Variants in PPM1H observed in about 807,000 individuals in gnomAD.
The protein encoded by PPM1H is protein phosphatase 1H.
A neutral mutation model predicts 54.9 loss-of-function variants in PPM1H; 27 were observed. That is an observed-to-expected ratio of 0.49 (90% CI 0.36 to 0.68). The LOEUF is 0.68. PPM1H is among the 30% of genes least tolerant of loss of function. PPM1H has a pLI of 0.00. For synonymous variants in PPM1H, 305 were observed against 270.8 expected, an observed-to-expected ratio of 1.13 and a Z score of -1.24; for missense variants, 596 against 667.8, an observed-to-expected ratio of 0.89 and a Z score of 1.19.
intron 1 of PPM1H, among the ~76,000 whole-genome samples, chr12:62,886,249 G>A (rs375094449): frequency 7.6e-4 from 115 of 152,252 alleles, no homozygotes; most frequent in Non-Finnish European, 1.3e-3. Context: ...TCAGACACAT[G>A]TGCACACACA....
In PPM1H at chr12:62,648,397, T is replaced by C; in HGVS notation, c.*92A>G. ...TTGGGCTGGGAAGAGACTGCATCAC[T>C]TGGAACTCAGCTGGGGCACTTCCCA... On this transcript the variant is annotated 3_prime_UTR_variant, in exon 10 of 10. Coordinates refer to ENST00000228705, the MANE Select transcript of PPM1H (RefSeq NM_020700.2). 1.3e-6 allele frequency: 2 copies of C among 1,493,614 alleles called. No homozygotes were observed. Among genetic ancestry groups the C allele is most frequent in the Non-Finnish European group, 1.8e-6 (2 of 1,091,354 alleles). 92.5% of individuals were successfully genotyped at this position (1,493,614 alleles called of 1,614,324 possible). A position where few individuals can be genotyped will look rare whatever the true frequency, so the allele number is the denominator to read the frequency against.
intron 3 of PPM1H, 48 bp from the exon 4 acceptor site, chr12:62,788,386 A>C: frequency 8.3e-7 from 1 of 1,198,436 alleles, no homozygotes; most frequent in East Asian, 2.6e-5. Flanking sequence ...GATGTGTAGC[A>C]AAAGCTTTCT....
chr12:62,878,972 A>C lies in PPM1H; in HGVS notation c.246-46693T>G, dbSNP rs557372040. 2.4e-4 allele frequency among the ~76,000 whole-genome samples: 37 copies of C among 152,314 alleles called. No individual in the cohort carries two copies. The South Asian group carries it at 6.6e-3, about 27-fold the overall frequency. On this transcript the variant is annotated intron_variant, in intron 1 of 9. Transcript: ENST00000228705. Reference sequence around the variant, plus strand: ...GAAAAAAAAAGAAAACTACTGATTGAAGGTATCTGTGAGATAAAAATATTT... The same window carrying C: ...GAAAAAAAAAGAAAACTACTGATTGCAGGTATCTGTGAGATAAAAATATTT...
At chr12:62,684,003 C>T (rs995125305) in intron 8 of PPM1H, among the ~76,000 whole-genome samples, 3 of 152,148 alleles carry the variant, frequency 2.0e-5, no homozygotes, top group African/African-American at 7.2e-5. Flanking sequence ...TGAGGAGAGC[C>T]TGGGCTCCAG....
chr12:62,831,790 TAC>T (rs80273207), intron 2 of PPM1H, among the ~76,000 whole-genome samples: 8,502 of 148,006 alleles, frequency 0.057, 274 homozygotes, highest in African/African-American at 0.09. Context: ...TATATACGTA[TAC>T]ACACACACAC....
chr12:62,663,729 T>C (rs1055791654), intron 9 of PPM1H, among the ~76,000 whole-genome samples: 1 of 152,340 alleles, frequency 6.6e-6, no homozygotes, highest in African/African-American at 2.4e-5. Flanking sequence ...CAGTGGCTCA[T>C]GCCTGTAATC....
intron 6 of PPM1H, among the ~76,000 whole-genome samples, chr12:62,713,843 C>A (rs981168325): frequency 6.6e-6 from 1 of 152,044 alleles, no homozygotes; most frequent in African/African-American, 2.4e-5. Flanking sequence ...GTGTCACACA[C>A]CTGTAGTACC....
intron 5 of PPM1H, among the ~76,000 whole-genome samples, chr12:62,735,170 T>C (rs2120517988): frequency 6.6e-6 from 1 of 152,268 alleles, no homozygotes; most frequent in East Asian, 1.9e-4. Context: ...TGTTTGGTAA[T>C]GATCTAGAAG....
intron 4 of PPM1H, among the ~76,000 whole-genome samples, chr12:62,776,170 A>G (rs7311502): frequency 0.2 from 30,505 of 152,102 alleles, 4,093 homozygotes; most frequent in African/African-American, 0.38. Context: ...TATAGGAACT[A>G]CAATTCAAGA....
intron 1 of PPM1H, among the ~76,000 whole-genome samples, chr12:62,868,577 C>A (rs928943222): frequency 1.3e-5 from 2 of 152,190 alleles, no homozygotes; most frequent in South Asian, 2.1e-4. Context: ...GCAACTAATT[C>A]TCAGCAGGAA....
At chr12:62,902,315 T>C (rs979686096) in intron 1 of PPM1H, among the ~76,000 whole-genome samples, 1 of 151,654 alleles carries the variant, frequency 6.6e-6, no homozygotes, top group Non-Finnish European at 1.5e-5. Flanking sequence ...GATCGCACCA[T>C]TGCACTGCAG....
chr12:62,764,938 C>A (rs2076532464), intron 4 of PPM1H, among the ~76,000 whole-genome samples: 1 of 152,214 alleles, frequency 6.6e-6, no homozygotes, highest in South Asian at 2.1e-4. Context: ...GCCATGCGTG[C>A]CGCTTAGTTA....
At chr12:62,917,986 T>C (rs1592670357) in intron 1 of PPM1H, among the ~76,000 whole-genome samples, 1 of 152,146 alleles carries the variant, frequency 6.6e-6, no homozygotes, top group Non-Finnish European at 1.5e-5. Flanking sequence ...ACAAGGCAGA[T>C]GAAAAAATGT....
At chr12:62,792,379 G>A (rs1278772074) in intron 3 of PPM1H, among the ~76,000 whole-genome samples, 1 of 152,042 alleles carries the variant, frequency 6.6e-6, no homozygotes. Flanking sequence ...CATTCCCTCT[G>A]TAGCTCCCCC....
intron 1 of PPM1H, among the ~76,000 whole-genome samples, chr12:62,931,553 G>T (rs986827521): frequency 6.6e-6 from 1 of 152,250 alleles, no homozygotes; most frequent in African/African-American, 2.4e-5. Flanking sequence ...GGTGAGAAGA[G>T]AGAGATGGCC....
intron 5 of PPM1H, among the ~76,000 whole-genome samples, chr12:62,723,472 G>A (rs916321047): frequency 1.3e-5 from 2 of 152,118 alleles, no homozygotes; most frequent in Non-Finnish European, 2.9e-5. Context: ...CAACAATGTT[G>A]GGAGGCAGAC....
intron 1 of PPM1H, among the ~76,000 whole-genome samples, chr12:62,931,894 A>G (rs964058499): frequency 2.0e-5 from 3 of 152,210 alleles, no homozygotes; most frequent in African/African-American, 7.2e-5. Context: ...AATACTGTTA[A>G]TGACATAGTG....
At chr12:62,788,540 G>T in intron 3 of PPM1H, 1 of 452,190 alleles carries the variant, frequency 2.2e-6, no homozygotes, top group South Asian at 4.9e-5. Context: ...TAGACCATCT[G>T]TGAACCAGAG....
chr12:62,797,762 T>G (rs1259702518), intron 3 of PPM1H, among the ~76,000 whole-genome samples: 1 of 152,218 alleles, frequency 6.6e-6, no homozygotes, highest in Non-Finnish European at 1.5e-5. Flanking sequence ...CCTTAAGCAA[T>G]TTGATAAGGT....
Sources: allele counts gnomAD v4.1 joint callset (sites outside exome capture counted in the v4.1 genomes callset), GRCh38; gene constraint gnomAD v4.1.1; transcripts MANE v1.5; gene names NCBI Gene and HGNC (gene_info 2026-07-23, HGNC 2026-07-21).